PKHD1L1: variants seen among roughly 807,000 people sequenced by gnomAD.
PKHD1L1 encodes the protein PKHD1 like 1.
Under a neutral mutation model 462.9 loss-of-function variants are expected in PKHD1L1, and 434 were observed. The ratio of observed to expected loss-of-function variants is 0.94; its 90% CI spans 0.87 to 1.02. PKHD1L1 has a LOEUF of 1.02. Among genes scored for constraint, PKHD1L1 ranks in the 50% least tolerant of loss-of-function variants. PKHD1L1 has a pLI of 0.00. For synonymous variants in PKHD1L1, 1,781 were observed against 1,750.0 expected, an observed-to-expected ratio of 1.02 and a Z score of -0.44; for missense variants, 5,202 against 5,096.1, an observed-to-expected ratio of 1.02 and a Z score of -0.63.
chr8:109,492,539 A>C (rs1050787387), intron 62 of PKHD1L1, among the ~76,000 whole-genome samples: 2 of 151,886 alleles, frequency 1.3e-5, no homozygotes, highest in African/African-American at 4.8e-5. Flanking sequence ...TAAAATAGTT[A>C]TCTTTGAAAG....
intron 36 of PKHD1L1, 58 bp downstream of exon 36, chr8:109,443,174 T>C: frequency 6.5e-7 from 1 of 1,529,258 alleles, no homozygotes. Context: ...GTATGTGATA[T>C]TTCTGGAGCC....
chr8:109,445,614 T>C lies in PKHD1L1; in HGVS notation c.5745T>C (p.Thr1915=). The C allele has an allele frequency of 6.2e-7, 1 of 1,609,184 alleles. No homozygotes were observed. Among genetic ancestry groups the C allele is most frequent in the Non-Finnish European group, 8.5e-7 (1 of 1,176,778 alleles). ...PLLFTYALED[T]PFLRGIIPSR... The stretch of plus-strand genomic sequence containing the variant: ...TTTTTACATATGCCCTGGAGGATAC[T>C]CCATTTCTCAGAGGAATTATCCCAA... Residue 1915 remains threonine, a synonymous_variant, in exon 38 of 78, where the codon ACT becomes ACC. Transcript: ENST00000378402.
At chr8:109,401,443 A>C in intron 13 of PKHD1L1, 54 bp from the exon 14 acceptor site, 1 of 900,850 alleles carries the variant, frequency 1.1e-6, no homozygotes, top group Non-Finnish European at 1.8e-6. Flanking sequence ...TAAATGTTGA[A>C]AAGGTCTATT....
chr8:109,484,106 A>G (rs566295654), intron 57 of PKHD1L1, among the ~76,000 whole-genome samples: 1 of 151,840 alleles, frequency 6.6e-6, no homozygotes, highest in Admixed American at 6.6e-5. Context: ...ATCAAAACAT[A>G]TGGTTTTGCT....
intron 50 of PKHD1L1, chr8:109,470,564 A>G (rs1375597637): frequency 6.2e-6 from 10 of 1,601,386 alleles, no homozygotes; most frequent in African/African-American, 5.4e-5. Context: ...GGAACTATTC[A>G]GCTTAGTTCC....
At chr8:109,383,979 T>C in intron 4 of PKHD1L1, 91 bp from the exon 5 acceptor site, 3 of 865,380 alleles carry the variant, frequency 3.5e-6, no homozygotes, top group African/African-American at 1.7e-5. Context: ...ATGAATATTG[T>C]TGAAATTTAG....
chr8:109,536,891 C>A lies in PKHD1L1; in HGVS notation c.*6801C>A, dbSNP rs1462339659. Among the ~76,000 whole-genome samples, 3 of 152,052 alleles carry A rather than the reference C, an allele frequency of 2.0e-5. No individual in the cohort carries two copies. The highest frequency in any genetic ancestry group is 4.4e-5 in the Non-Finnish European group (3 of 68,014). On this transcript the variant is annotated 3_prime_UTR_variant, in exon 78 of 78. Coordinates refer to ENST00000378402, the MANE Select transcript of PKHD1L1 (RefSeq NM_177531.6). ...AAAGAAATAAAAAATCTGCTTCAGACTGTTTGATTTCTCTATTAGGCAATT... is the reference window on the plus strand; with the variant it reads ...AAAGAAATAAAAAATCTGCTTCAGAATGTTTGATTTCTCTATTAGGCAATT...
chr8:109,384,014 C>CAAA, intron 4 of PKHD1L1, 56 bp from the exon 5 acceptor site: 1 of 1,203,794 alleles, frequency 8.3e-7, no homozygotes, highest in East Asian at 2.3e-5. Context: ...ATCTATTTCA[C>CAAA]AAAACTAGAA....
rs190881970 is a variant in PKHD1L1 at position 109,446,681 on chromosome 8, G to A, written c.5776+1036G>A. Reference sequence around the variant, plus strand: ...CTTTTCCCATGTGGTTGTAATCATTGCAAATAATGGCATATGTTTCTTATT... The same window carrying A: ...CTTTTCCCATGTGGTTGTAATCATTACAAATAATGGCATATGTTTCTTATT... On this transcript the variant is annotated intron_variant, in intron 38 of 77. Coordinates refer to ENST00000378402, the MANE Select transcript of PKHD1L1 (RefSeq NM_177531.6). Among the ~76,000 whole-genome samples, 363 of 152,158 alleles carry A rather than the reference G, an allele frequency of 2.4e-3. 2 individuals carry two copies. Among genetic ancestry groups the A allele is most frequent in the African/African-American group, 8.2e-3 (339 of 41,518 alleles).
Position 109,364,650 on chromosome 8 carries a change from T to TC in PKHD1L1, c.163+14_163+15insC. On this transcript the variant is annotated intron_variant, in intron 2 of 77. Transcript: ENST00000378402. Reference sequence around the variant, plus strand: ...TAAGAGGGGAAGGTATCGTTGCTTTTTTTTTTTTTTTTTTGCCAAGGTTGA... The same window carrying TC: ...TAAGAGGGGAAGGTATCGTTGCTTTTCTTTTTTTTTTTTTTGCCAAGGTTGA... 1 of 1,158,280 alleles carries TC rather than the reference T, an allele frequency of 8.6e-7. No individual in the cohort carries two copies. Among genetic ancestry groups the TC allele is most frequent in the South Asian group, 1.7e-5 (1 of 59,154 alleles). 71.8% of individuals were successfully genotyped at this position (1,158,280 alleles called of 1,614,324 possible). A position where few individuals can be genotyped will look rare whatever the true frequency, so the allele number is the denominator to read the frequency against.
intron 2 of PKHD1L1, among the ~76,000 whole-genome samples, chr8:109,380,152 A>G (rs1586389449): frequency 6.6e-6 from 1 of 151,986 alleles, no homozygotes; most frequent in Non-Finnish European, 1.5e-5. Flanking sequence ...ATAGAGTAGT[A>G]TAGCCTGTAG....
Position 109,483,062 on chromosome 8 carries a change from C to T in PKHD1L1, c.9533C>T (p.Ala3178Val), listed in dbSNP as rs1563595193. The T allele has an allele frequency of 1.2e-6, 2 of 1,601,710 alleles. No individual in the cohort carries two copies. Among genetic ancestry groups the T allele is most frequent in the Non-Finnish European group, 1.7e-6 (2 of 1,174,134 alleles). The change falls in exon 57 of 78, where the codon GCA (alanine) becomes GTA (valine). Residue 3178 changes from alanine to valine, a missense_variant. Transcript: ENST00000378402. ...YKTKLSETAF[A>V]GSKVLSLMDA... ...ACTAAGCTCTCAGAAACTGCATTTG[C>T]AGGTTCCAAAGTCCTGTCTCTGATG...
chr8:109,381,691 A>C (rs1378082783), intron 3 of PKHD1L1, among the ~76,000 whole-genome samples, 177 bp downstream of exon 3: 1 of 152,078 alleles, frequency 6.6e-6, no homozygotes, highest in Non-Finnish European at 1.5e-5. Flanking sequence ...TATTATATTC[A>C]ATTTTAATTG....
rs1816828338 is a variant in PKHD1L1 at position 109,456,394 on chromosome 8, A to G, written c.7004+3A>G. The G allele has an allele frequency of 1.2e-6, 2 of 1,601,176 alleles. No individual in the cohort carries two copies. Among genetic ancestry groups the G allele is most frequent in the Admixed American group, 1.7e-5 (1 of 58,324 alleles). Reference sequence around the variant, plus strand: ...GTAATTGCAAGCACAGGACACAGGTATGATATCTTCTGGGCTTAATGATGT... The same window carrying G: ...GTAATTGCAAGCACAGGACACAGGTGTGATATCTTCTGGGCTTAATGATGT... On this transcript the variant is annotated splice_donor_region_variant and intron_variant, in intron 46 of 77. Coordinates refer to ENST00000378402, the MANE Select transcript of PKHD1L1 (RefSeq NM_177531.6).
At chr8:109,452,636 G>A in intron 42 of PKHD1L1, 82 bp from the exon 43 acceptor site, 1 of 764,734 alleles carries the variant, frequency 1.3e-6, no homozygotes, top group Non-Finnish European at 1.8e-6. Flanking sequence ...TATTTATATT[G>A]TAATAAAATG....
At chr8:109,392,957 A>G (rs1312204669) in intron 9 of PKHD1L1, among the ~76,000 whole-genome samples, 1 of 152,202 alleles carries the variant, frequency 6.6e-6, no homozygotes, top group African/African-American at 2.4e-5. Context: ...GTCATTATCA[A>G]TGAATTAGTG....
intron 38 of PKHD1L1, among the ~76,000 whole-genome samples, chr8:109,447,567 A>T (rs1363684440): frequency 6.6e-6 from 1 of 152,224 alleles, no homozygotes; most frequent in African/African-American, 2.4e-5. Context: ...TTCTATGTGC[A>T]CTCATTCAAG....
chr8:109,424,488 G>A (rs1010841893), intron 23 of PKHD1L1, among the ~76,000 whole-genome samples: 1 of 152,102 alleles, frequency 6.6e-6, no homozygotes, highest in African/African-American at 2.4e-5. Context: ...AGTAGTAACA[G>A]ATAACTATAA....
At chr8:109,407,570 A>G (rs1264090767) in intron 17 of PKHD1L1, among the ~76,000 whole-genome samples, 1 of 152,194 alleles carries the variant, frequency 6.6e-6, no homozygotes, top group African/African-American at 2.4e-5. Flanking sequence ...GCCAATGATT[A>G]TCATACTAAG....
Sources: gnomAD v4.1 joint callset for allele counts (sites outside exome capture counted in the v4.1 genomes callset) on GRCh38, gnomAD v4.1.1 for gene constraint, MANE v1.5 for transcripts, NCBI Gene and HGNC (gene_info 2026-07-23, HGNC 2026-07-21) for gene names.